Variants in SH3PXD2B observed in about 807,000 individuals in gnomAD.
SH3PXD2B encodes the protein SH3 and PX domains 2B, also known as SH3 and PX domain-containing protein 2B.
In SH3PXD2B, 37 loss-of-function variants were observed where a neutral mutation model predicts 73.1. The ratio of observed to expected loss-of-function variants is 0.51; its 90% CI spans 0.39 to 0.67. SH3PXD2B has a LOEUF of 0.67. Among genes scored for constraint, SH3PXD2B ranks in the 30% least tolerant of loss-of-function variants. The pLI, the probability that SH3PXD2B is intolerant of heterozygous loss-of-function variation, is 0.00. For missense variants in SH3PXD2B, 1,053 were observed against 1,197.8 expected, an observed-to-expected ratio of 0.88 and a Z score of 1.78; for synonymous variants, 457 against 480.5, an observed-to-expected ratio of 0.95 and a Z score of 0.64.
intron 5 of SH3PXD2B, among the ~76,000 whole-genome samples, chr5:172,378,137 C>T (rs1757858644): frequency 6.6e-6 from 1 of 152,230 alleles, no homozygotes; most frequent in Non-Finnish European, 1.5e-5. Context: ...CACCCTTTGT[C>T]CCCGAGTGTC....
intron 5 of SH3PXD2B, among the ~76,000 whole-genome samples, chr5:172,381,432 G>T (rs916984724): frequency 2.6e-5 from 4 of 152,216 alleles, no homozygotes; most frequent in Non-Finnish European, 5.9e-5. Context: ...GTGCGTAAGT[G>T]CGGGTAAGCA....
downstream of SH3PXD2B, among the ~76,000 whole-genome samples, chr5:172,329,683 A>G (rs1019881577): frequency 6.6e-6 from 1 of 151,462 alleles, no homozygotes; most frequent in African/African-American, 2.4e-5. Context: ...GACTACAGGC[A>G]CCCGCCACCA....
chr5:172,346,042 C>T (rs1756989902), intron 12 of SH3PXD2B, 94 bp downstream of exon 12: 7 of 1,577,956 alleles, frequency 4.4e-6, no homozygotes, highest in Non-Finnish European at 5.2e-6. Flanking sequence ...CACCTCCACC[C>T]ACCCAGTGAA....
chr5:172,326,622 A>G (rs910223527), intron 12 of SH3PXD2B, among the ~76,000 whole-genome samples: 4 of 152,142 alleles, frequency 2.6e-5, no homozygotes, highest in African/African-American at 9.7e-5. Context: ...GAAGATAAAT[A>G]TATACTAGGC....
intron 1 of SH3PXD2B, among the ~76,000 whole-genome samples, chr5:172,432,284 C>A (rs917160299): frequency 6.6e-6 from 1 of 152,002 alleles, no homozygotes; most frequent in Non-Finnish European, 1.5e-5. Flanking sequence ...TCTCCATAGG[C>A]ACATCACAGC....
At chr5:172,365,609 CG>C (rs35088655) in intron 6 of SH3PXD2B, among the ~76,000 whole-genome samples, 69,997 of 151,914 alleles carry the variant, frequency 0.46, 17,306 homozygotes, top group East Asian at 0.65. Context: ...GTGGCAGGGC[CG>C]ACTTTTTCTA....
chr5:172,358,800 C>A lies in SH3PXD2B; in HGVS notation c.640G>T (p.Asp214Tyr). ...TCLEGQDGVQ[D>Y]EFSLQPEEEE... ...TCTTCAGGCTGCAGAGAAAACTCAT[C>A]CTGCACCCCATCCTGGCCTTCGAGG... The change falls in exon 8 of 13, where the codon GAT becomes TAT. Residue 214 changes from aspartate (D) to tyrosine (Y), a missense_variant. This residue lies in a region of SH3PXD2B where 466 missense variants were observed against 607.1 expected (regional missense o/e 0.77). Transcript: ENST00000311601. The A allele has an allele frequency of 6.2e-7, 1 of 1,613,554 alleles. No homozygotes were observed. Among genetic ancestry groups the A allele is most frequent in the Non-Finnish European group, 8.5e-7 (1 of 1,179,822 alleles).
At chr5:172,349,365 G>A (rs145625671) in intron 10 of SH3PXD2B, among the ~76,000 whole-genome samples, 1 of 152,244 alleles carries the variant, frequency 6.6e-6, no homozygotes, top group African/African-American at 2.4e-5. Context: ...GGCACTGTGC[G>A]TAAGTCCTGG....
intron 1 of SH3PXD2B, among the ~76,000 whole-genome samples, chr5:172,432,930 G>GGA (rs1477077255): frequency 4.3e-4 from 56 of 130,282 alleles, no homozygotes; most frequent in East Asian, 4.3e-3. Flanking sequence ...AAAAAAGGGG[G>GGA]GGGGGGGGGA....
intron 4 of SH3PXD2B, among the ~76,000 whole-genome samples, chr5:172,386,319 C>T (rs1384522660): frequency 1.3e-5 from 2 of 152,154 alleles, no homozygotes; most frequent in African/African-American, 4.8e-5. Context: ...TATACTGTCC[C>T]AGGTACAAGA....
intron 3 of SH3PXD2B, among the ~76,000 whole-genome samples, chr5:172,401,978 A>T (rs1201731623): frequency 6.6e-6 from 1 of 152,238 alleles, no homozygotes; most frequent in Non-Finnish European, 1.5e-5. Flanking sequence ...ACAGGATAAC[A>T]GCAATGTTGA....
intron 1 of SH3PXD2B, among the ~76,000 whole-genome samples, chr5:172,424,298 A>C (rs1194750179): frequency 6.6e-6 from 1 of 151,930 alleles, no homozygotes; most frequent in Non-Finnish European, 1.5e-5. Flanking sequence ...GCCTGGAGCC[A>C]CCACAGTGTA....
intron 2 of SH3PXD2B, among the ~76,000 whole-genome samples, chr5:172,412,532 C>T (rs753576709): frequency 1.3e-5 from 2 of 152,216 alleles, no homozygotes; most frequent in Non-Finnish European, 2.9e-5. Flanking sequence ...CCAATGTCAA[C>T]GGCCATCTGT....
At chr5:172,411,139 C>T (rs1267250809) in intron 2 of SH3PXD2B, among the ~76,000 whole-genome samples, 1 of 152,142 alleles carries the variant, frequency 6.6e-6, no homozygotes, top group Non-Finnish European at 1.5e-5. Flanking sequence ...AGGTTTTTGC[C>T]TAACACTATC....
intron 12 of SH3PXD2B, among the ~76,000 whole-genome samples, chr5:172,327,211 T>C (rs1756462528): frequency 6.6e-6 from 1 of 152,210 alleles, no homozygotes; most frequent in Admixed American, 6.5e-5. Context: ...ATAAAAATTA[T>C]TATGCGCTAT....
intron 5 of SH3PXD2B, among the ~76,000 whole-genome samples, chr5:172,380,224 AT>A (rs11313404): frequency 0.45 from 67,468 of 150,818 alleles, 15,833 homozygotes; most frequent in East Asian, 0.71. Flanking sequence ...TGCCCGGCTA[AT>A]TTTTTTTTTA....
At chr5:172,363,176 G>A (rs917173420) in intron 6 of SH3PXD2B, among the ~76,000 whole-genome samples, 3 of 151,916 alleles carry the variant, frequency 2.0e-5, no homozygotes, top group Non-Finnish European at 4.4e-5. Flanking sequence ...CCATCCATCT[G>A]TCCATCCATC....
At chr5:172,390,815 T>TTGTGTGTGTGTGTGTG (rs56116617) in intron 4 of SH3PXD2B, among the ~76,000 whole-genome samples, 2 of 140,004 alleles carry the variant, frequency 1.4e-5, no homozygotes, top group African/African-American at 2.7e-5. Context: ...TTCCCGTCTT[T>TTGTGTGTGTGTGTGTG]TGTGTGTGTG....
chr5:172,397,227 C>T (rs374718304), intron 3 of SH3PXD2B, among the ~76,000 whole-genome samples: 4 of 152,260 alleles, frequency 2.6e-5, no homozygotes, highest in African/African-American at 9.6e-5. Context: ...TGTAGCGCTC[C>T]CAGTCCTATT....
Sources: gnomAD v4.1 joint callset for allele counts (sites outside exome capture counted in the v4.1 genomes callset) on GRCh38, gnomAD v4.1.1 for gene constraint, gnomAD v4.1.1 regional missense constraint, MANE v1.5 for transcripts, NCBI Gene and HGNC (gene_info 2026-07-23, HGNC 2026-07-21) for gene names.